The following ZMYND11 variants were observed in gnomAD, a reference collection of about 807,000 sequenced individuals.
The protein encoded by ZMYND11 is zinc finger MYND-type containing 11, also known as zinc finger MYND domain-containing protein 11.
Under a neutral mutation model 84.9 loss-of-function variants are expected in ZMYND11, and 9 were observed. The ratio of observed to expected loss-of-function variants is 0.11; its 90% CI spans 0.06 to 0.18. ZMYND11 has a LOEUF of 0.18. ZMYND11 is among the 10% of genes least tolerant of loss of function. ZMYND11 has a pLI of 1.00. For synonymous variants in ZMYND11, 250 were observed against 244.1 expected (o/e 1.02, Z -0.23); for missense variants, 409 against 761.0 (o/e 0.54, Z 5.44).
intron 12 of ZMYND11, among the ~76,000 whole-genome samples, chr10:247,828 TTTAA>T (rs1952480224): frequency 6.6e-6 from 1 of 152,238 alleles, no homozygotes; most frequent in South Asian, 2.1e-4. Context: ...TGTGCCAACA[TTTAA>T]AAACTTGAAG....
intron 4 of ZMYND11, among the ~76,000 whole-genome samples, chr10:227,188 C>T (rs894991674): frequency 1.3e-5 from 2 of 152,194 alleles, no homozygotes; most frequent in Non-Finnish European, 2.9e-5. Flanking sequence ...CCCGAATTTG[C>T]AGCACTTGAT....
At chr10:152,614 G>C (rs2131343828) in intron 1 of ZMYND11, among the ~76,000 whole-genome samples, 1 of 152,224 alleles carries the variant, frequency 6.6e-6, no homozygotes, top group Middle Eastern at 3.4e-3. Context: ...ATAATAATGG[G>C]AGACTTTAAC....
At chr10:209,591 A>G (rs991369696) in intron 2 of ZMYND11, among the ~76,000 whole-genome samples, 21 of 152,244 alleles carry the variant, frequency 1.4e-4, no homozygotes, top group African/African-American at 4.3e-4. Flanking sequence ...ATGTTTGACT[A>G]CAGTCTCTTA....
intron 10 of ZMYND11, among the ~76,000 whole-genome samples, chr10:243,607 T>G (rs1438574390): frequency 2.0e-5 from 3 of 152,230 alleles, no homozygotes; most frequent in Non-Finnish European, 1.5e-5. Context: ...GGCTCACGCC[T>G]GTAATCCCTG....
intron 1 of ZMYND11, among the ~76,000 whole-genome samples, chr10:170,459 T>TGTGC (rs1314622264): frequency 8.5e-6 from 1 of 117,386 alleles, no homozygotes; most frequent in Non-Finnish European, 1.8e-5. Context: ...TGTGTGTGCG[T>TGTGC]GCTTATGGGT....
At chr10:170,479 GAAT>G in intron 1 of ZMYND11, among the ~76,000 whole-genome samples, 1 of 19,716 alleles carries the variant, frequency 5.1e-5, no homozygotes, top group East Asian at 8.2e-3. Context: ...TAAGTAAAAT[GAAT>G]GACAGTTTAT....
At chr10:200,907 T>A (rs1206960845) in intron 2 of ZMYND11, among the ~76,000 whole-genome samples, 1 of 152,184 alleles carries the variant, frequency 6.6e-6, no homozygotes, top group African/African-American at 2.4e-5. Context: ...ATTTACAAAA[T>A]GGAAATTAGT....
intron 4 of ZMYND11, among the ~76,000 whole-genome samples, chr10:224,104 T>C (rs576797655): frequency 1.3e-5 from 2 of 152,324 alleles, no homozygotes; most frequent in South Asian, 4.1e-4. Flanking sequence ...AGCCCTTTTC[T>C]AAGAGTTTGC....
At chr10:246,094 C>CTAGT (rs1237338885) in intron 10 of ZMYND11, among the ~76,000 whole-genome samples, 2 of 152,136 alleles carry the variant, frequency 1.3e-5, no homozygotes, top group Non-Finnish European at 2.9e-5. Context: ...AAAAAGTGTT[C>CTAGT]TTTCCAACAG....
chr10:141,640 C>A (rs1210680243), intron 1 of ZMYND11, among the ~76,000 whole-genome samples: 1 of 152,138 alleles, frequency 6.6e-6, no homozygotes, highest in Non-Finnish European at 1.5e-5. Context: ...TGATTGGTAA[C>A]TTTTAAAGTA....
In ZMYND11 at chr10:252,253, CTT is replaced by C; in HGVS notation, c.1687-92_1687-91del. ...CCACAAAAGGTTGAGCCAGAAAGAT[CTT>C]TTAAAAGCACCACCTCAAGAGTTTG... On this transcript the variant is annotated intron_variant, in intron 14 of 14. Transcript: ENST00000381604. This position sits in a 1 kb window ranked among gnomAD's most constrained non-coding sequence, Gnocchi z 4.6. The C allele has an allele frequency of 7.0e-7, 1 of 1,438,012 alleles. No homozygotes were observed. Among genetic ancestry groups the C allele is most frequent in the South Asian group, 1.3e-5 (1 of 76,448 alleles). 89.1% of individuals were successfully genotyped at this position (1,438,012 alleles called of 1,614,324 possible).
At chr10:249,262 C>T in intron 14 of ZMYND11, 174 bp downstream of exon 14, 1 of 1,443,920 alleles carries the variant, frequency 6.9e-7, no homozygotes. Flanking sequence ...GATCTCTCAA[C>T]CCCAGATCCC....
intron 2 of ZMYND11, among the ~76,000 whole-genome samples, chr10:208,239 A>G (rs1282809811): frequency 6.6e-6 from 1 of 152,222 alleles, no homozygotes; most frequent in Admixed American, 6.5e-5. Flanking sequence ...AGGCATGGGC[A>G]AGGACTTCGT....
chr10:249,273 A>C lies in ZMYND11; in HGVS notation c.1686+185A>C, dbSNP rs1952833455. On this transcript the variant is annotated intron_variant, in intron 14 of 14. Transcript: ENST00000381604. ...CTATGATCTCTCAACCCCAGATCCC[A>C]TATTACTGTGTACTGCTCAGGATTA... The C allele has an allele frequency of 2.8e-6, 4 of 1,437,608 alleles. No homozygotes were observed. In the South Asian group the frequency reaches 4.5e-5, roughly 16 times the overall value. 89.1% of individuals were successfully genotyped at this position (1,437,608 alleles called of 1,614,324 possible).
chr10:251,102 T>A (rs1353155085), intron 14 of ZMYND11, among the ~76,000 whole-genome samples: 1 of 152,200 alleles, frequency 6.6e-6, no homozygotes, highest in African/African-American at 2.4e-5. Flanking sequence ...ACAGAAAGCA[T>A]GTAGGTATGC....
chr10:179,007 A>C (rs1847266859), intron 1 of ZMYND11, among the ~76,000 whole-genome samples: 1 of 152,202 alleles, frequency 6.6e-6, no homozygotes, highest in Non-Finnish European at 1.5e-5. Context: ...AAGATAGGAA[A>C]GGGCAGGTCA....
At chr10:233,481 C>T (rs1276356844) in intron 4 of ZMYND11, among the ~76,000 whole-genome samples, 5 of 152,122 alleles carry the variant, frequency 3.3e-5, no homozygotes, top group Admixed American at 6.5e-5. Flanking sequence ...CCAGGTGGTC[C>T]TAACGTAATA....
At position 242,514 on chromosome 10, in the gene ZMYND11, T is replaced by C. The variant is rs114158019; in HGVS notation, c.950+375T>C. 8.1e-3 allele frequency among the ~76,000 whole-genome samples: 1,230 copies of C among 152,280 alleles called. 18 individuals carry two copies. The highest frequency in any genetic ancestry group is 0.026 in the African/African-American group (1,096 of 41,562). ...TCTTCAAGGCTCAGTTAAAGACATA[T>C]AGACTAAAATCGTCAATCTTGTGAT... On this transcript the variant is annotated intron_variant, in intron 10 of 14. Coordinates refer to ENST00000381604, the MANE Select transcript of ZMYND11 (RefSeq NM_001370100.5).
chr10:206,203 T>C (rs1944135801), intron 2 of ZMYND11, among the ~76,000 whole-genome samples: 1 of 152,066 alleles, frequency 6.6e-6, no homozygotes, highest in African/African-American at 2.4e-5. Context: ...CTACTAAAAA[T>C]ACAAAAATTA....
Sources: gnomAD v4.1 joint callset for allele counts (sites outside exome capture counted in the v4.1 genomes callset) on GRCh38, gnomAD v4.1.1 for gene constraint, Gnocchi (gnomAD v3.1) non-coding constraint, MANE v1.5 for transcripts, NCBI Gene and HGNC (gene_info 2026-07-23, HGNC 2026-07-21) for gene names.